IFT140: variants seen among roughly 807,000 people sequenced by gnomAD.
The protein encoded by IFT140 is intraflagellar transport protein 140 homolog.
A neutral mutation model predicts 164.6 loss-of-function variants in IFT140; 133 were observed. The observed-to-expected ratio is 0.81, with a 90% CI of 0.70 to 0.93. IFT140 has a LOEUF of 0.93. Among genes scored for constraint, IFT140 ranks in the 40% least tolerant of loss-of-function variants. IFT140 has a pLI of 0.00. For missense variants in IFT140, 2,045 were observed against 1,972.3 expected (o/e 1.04, Z -0.70); for synonymous variants, 860 against 817.3 (o/e 1.05, Z -0.89).
At chr16:1,581,758 GGGGT>G (rs2034575472) in intron 12 of IFT140, among the ~76,000 whole-genome samples, 1 of 94,050 alleles carries the variant, frequency 1.1e-5, no homozygotes, top group Non-Finnish European at 2.2e-5. Flanking sequence ...AGGGGAGCGG[GGGGT>G]GGGGAGGGGA....
chr16:1,542,523 C>T (rs2076446), intron 19 of IFT140, among the ~76,000 whole-genome samples: 38,650 of 152,122 alleles, frequency 0.25, 5,470 homozygotes, highest in African/African-American at 0.37. Context: ...AGCTAAGAGG[C>T]CTAGAACAGG....
intron 4 of IFT140, among the ~76,000 whole-genome samples, chr16:1,595,915 T>C (rs2035441743): frequency 6.6e-6 from 1 of 151,794 alleles, no homozygotes; most frequent in African/African-American, 2.4e-5. Context: ...TAGCTGGGTG[T>C]GATGGTGCAC....
intron 3 of IFT140, among the ~76,000 whole-genome samples, chr16:1,606,384 G>C (rs1236066100): frequency 6.6e-6 from 1 of 152,254 alleles, no homozygotes; most frequent in Non-Finnish European, 1.5e-5. Context: ...TAGCCAGCGT[G>C]AAAGAACTGC....
chr16:1,544,912 T>G (rs1190953755), intron 19 of IFT140, among the ~76,000 whole-genome samples: 1 of 152,206 alleles, frequency 6.6e-6, no homozygotes, highest in East Asian at 1.9e-4. Context: ...CCTCCCAAAG[T>G]GCTGGGATTA....
At chr16:1,583,890 A>G (rs73499720) in intron 11 of IFT140, among the ~76,000 whole-genome samples, 2,432 of 152,120 alleles carry the variant, frequency 0.016, 75 homozygotes, top group African/African-American at 0.056. Flanking sequence ...GATTACAGGC[A>G]TACACCCCGA....
At chr16:1,537,409 C>G (rs1276099487) in intron 19 of IFT140, among the ~76,000 whole-genome samples, 1 of 152,246 alleles carries the variant, frequency 6.6e-6, no homozygotes, top group Non-Finnish European at 1.5e-5. Flanking sequence ...TCACCAGGAG[C>G]CTGCCTGAGG....
chr16:1,560,157 T>C (rs142046488), intron 18 of IFT140, among the ~76,000 whole-genome samples: 4 of 152,292 alleles, frequency 2.6e-5, no homozygotes, highest in African/African-American at 9.6e-5. Context: ...CTGGTGACAC[T>C]TGTCTATTAA....
intron 19 of IFT140, among the ~76,000 whole-genome samples, chr16:1,535,321 G>A (rs1442762107): frequency 6.6e-6 from 1 of 152,154 alleles, no homozygotes; most frequent in East Asian, 1.9e-4. Flanking sequence ...TGAGTGGCAG[G>A]TGTGAGGCTG....
chr16:1,565,396 GAA>G (rs1418273040), intron 16 of IFT140, among the ~76,000 whole-genome samples: 1 of 152,040 alleles, frequency 6.6e-6, no homozygotes, highest in East Asian at 1.9e-4. Context: ...GCCACCAGGT[GAA>G]AGAAGGTTCC....
At chr16:1,557,750 A>AG in intron 19 of IFT140, 185 bp downstream of exon 19, 3 of 626,738 alleles carry the variant, frequency 4.8e-6, no homozygotes, top group Admixed American at 5.7e-5. Context: ...AGAGGCTGAG[A>AG]GCTTCCCACG....
At chr16:1,537,226 G>A (rs1463393332) in intron 19 of IFT140, among the ~76,000 whole-genome samples, 1 of 151,388 alleles carries the variant, frequency 6.6e-6, no homozygotes, top group Non-Finnish European at 1.5e-5. Context: ...CCTCACGCAG[G>A]CCAGGGAAGA....
intron 13 of IFT140, chr16:1,579,626 T>C (rs1280575923): frequency 6.7e-6 from 1 of 149,802 alleles, no homozygotes. Flanking sequence ...TTCCAGCCAG[T>C]GTGTGTGGGA....
intron 13 of IFT140, among the ~76,000 whole-genome samples, chr16:1,575,327 A>G (rs2034220576): frequency 6.6e-6 from 1 of 151,946 alleles, no homozygotes; most frequent in Non-Finnish European, 1.5e-5. Context: ...GTGAGCTATG[A>G]TGGCACCACT....
chr16:1,609,440 T>A (rs1434872288), intron 2 of IFT140, among the ~76,000 whole-genome samples: 1 of 152,170 alleles, frequency 6.6e-6, no homozygotes, highest in Non-Finnish European at 1.5e-5. Flanking sequence ...CCACACAACG[T>A]TGCGCTTCTC....
chr16:1,587,670 G>C (rs969542285), intron 8 of IFT140, among the ~76,000 whole-genome samples: 2 of 152,200 alleles, frequency 1.3e-5, no homozygotes, highest in Admixed American at 6.5e-5. Flanking sequence ...CAGGCAAAGA[G>C]ATTCCACGGG....
chr16:1,571,381 C>T, intron 14 of IFT140, 26 bp downstream of exon 14: 1 of 1,606,242 alleles, frequency 6.2e-7, no homozygotes, highest in East Asian at 2.2e-5. Flanking sequence ...AAAATGTTCA[C>T]ACTTCTATTT....
At chr16:1,537,200 G>A (rs961987153) in intron 19 of IFT140, among the ~76,000 whole-genome samples, 6 of 151,468 alleles carry the variant, frequency 4.0e-5, no homozygotes, top group Non-Finnish European at 7.4e-5. Flanking sequence ...GGAAGACAAC[G>A]TCACACCGCG....
chr16:1,600,715 G>A (rs898325365), intron 4 of IFT140, among the ~76,000 whole-genome samples: 5 of 152,130 alleles, frequency 3.3e-5, no homozygotes, highest in East Asian at 1.9e-4. Context: ...AGTGTGTATA[G>A]GATGCCACCA....
chr16:1,571,588 T>C, intron 13 of IFT140, 54 bp from the exon 14 acceptor site: 1 of 1,553,140 alleles, frequency 6.4e-7, no homozygotes, highest in South Asian at 1.2e-5. Context: ...CTGAACATTG[T>C]TCACAGATAA....
Sources: gnomAD v4.1 joint callset for allele counts (sites outside exome capture counted in the v4.1 genomes callset) on GRCh38, gnomAD v4.1.1 for gene constraint, MANE v1.5 for transcripts, NCBI Gene and HGNC (gene_info 2026-07-23, HGNC 2026-07-21) for gene names.